Variants in ABTB2 observed in about 807,000 individuals in gnomAD.
The protein encoded by ABTB2 is ankyrin repeat and BTB domain containing 2.
In ABTB2, 56 loss-of-function variants were observed where a neutral mutation model predicts 104.1. That is an observed-to-expected ratio of 0.54 (90% CI 0.43 to 0.67). The LOEUF is 0.67. Among genes scored for constraint, ABTB2 ranks in the 30% least tolerant of loss-of-function variants. ABTB2 has a pLI of 0.00. For missense variants in ABTB2, 1,279 were observed against 1,407.7 expected, an observed-to-expected ratio of 0.91 and a Z score of 1.46; for synonymous variants, 606 against 608.2, an observed-to-expected ratio of 1.00 and a Z score of 0.05.
chr11:34,289,188 T>C (rs1286760972), intron 1 of ABTB2, among the ~76,000 whole-genome samples: 3 of 152,250 alleles, frequency 2.0e-5, no homozygotes, highest in African/African-American at 7.2e-5. Flanking sequence ...ATCTGAGTTC[T>C]GTAACAACTT....
At chr11:34,218,079 A>G (rs193152002) in intron 1 of ABTB2, among the ~76,000 whole-genome samples, 2 of 152,364 alleles carry the variant, frequency 1.3e-5, no homozygotes, top group African/African-American at 4.8e-5. Context: ...TGCCATCTGC[A>G]TATCATCTTT....
At chr11:34,234,740 G>A (rs1371121709) in intron 1 of ABTB2, among the ~76,000 whole-genome samples, 2 of 152,210 alleles carry the variant, frequency 1.3e-5, no homozygotes, top group Admixed American at 1.3e-4. Context: ...AGCTTACAGG[G>A]TAATGCTACC....
chr11:34,318,620 A>C (rs1339569121), intron 1 of ABTB2, among the ~76,000 whole-genome samples: 1 of 152,204 alleles, frequency 6.6e-6, no homozygotes, highest in Non-Finnish European at 1.5e-5. Context: ...ACGTCATAAT[A>C]AAAATTCCAA....
At chr11:34,217,315 CTGA>C (rs1204039858) in intron 1 of ABTB2, among the ~76,000 whole-genome samples, 1 of 152,232 alleles carries the variant, frequency 6.6e-6, no homozygotes, top group African/African-American at 2.4e-5. Flanking sequence ...CTTTTTAGCT[CTGA>C]TAATATTCCA....
chr11:34,272,567 T>C (rs2755162), intron 1 of ABTB2, among the ~76,000 whole-genome samples: 128,948 of 151,616 alleles, frequency 0.85, 55,403 homozygotes, highest in African/African-American at 0.96. Context: ...ACTAGCCAGA[T>C]GTGGTGGCGG....
At chr11:34,312,665 T>C (rs1187947686) in intron 1 of ABTB2, among the ~76,000 whole-genome samples, 1 of 152,174 alleles carries the variant, frequency 6.6e-6, no homozygotes, top group Non-Finnish European at 1.5e-5. Context: ...TAAGAGAAAA[T>C]AAGCCCACTC....
intron 1 of ABTB2, among the ~76,000 whole-genome samples, chr11:34,284,599 G>A (rs1590241433): frequency 6.6e-6 from 1 of 152,172 alleles, no homozygotes; most frequent in Non-Finnish European, 1.5e-5. Context: ...GGAAGACAGA[G>A]GTGAGGAGGT....
intron 5 of ABTB2, 106 bp downstream of exon 5, chr11:34,170,791 CGAAGTACAG>C: frequency 7.5e-7 from 1 of 1,325,774 alleles, no homozygotes; most frequent in Non-Finnish European, 1.0e-6. Context: ...CCCGCCTTTT[CGAAGTACAG>C]AGCTGAGCAA....
chr11:34,332,983 T>G (rs913625163), intron 1 of ABTB2, among the ~76,000 whole-genome samples: 5 of 152,142 alleles, frequency 3.3e-5, no homozygotes, highest in Non-Finnish European at 7.3e-5. Flanking sequence ...GACTTTGAGG[T>G]CAACAATGGC....
At position 34,357,831 on chromosome 11, in the gene ABTB2, C is replaced by A. The variant is rs550430624; in HGVS notation, c.-248G>T. 5.4e-4 allele frequency: 260 copies of A among 478,658 alleles called. No homozygotes were observed. Among genetic ancestry groups the A allele is most frequent in the African/African-American group, 4.5e-3 (224 of 49,886 alleles). The allele number at this position is 478,658 out of a possible 1,614,324, so 29.7% of individuals were successfully genotyped here. Reference sequence around the variant, plus strand: ...GCCACTGGAAAGAACCCCGTCGCTACCCCCCGGCACTCCCCCTTGTCCACC... The same window carrying A: ...GCCACTGGAAAGAACCCCGTCGCTAACCCCCGGCACTCCCCCTTGTCCACC... On this transcript the variant is annotated 5_prime_UTR_variant, in exon 1 of 17. Coordinates refer to ENST00000435224, the MANE Select transcript of ABTB2 (RefSeq NM_145804.3).
intron 1 of ABTB2, among the ~76,000 whole-genome samples, chr11:34,271,606 C>T (rs1418772965): frequency 6.6e-6 from 1 of 152,152 alleles, no homozygotes; most frequent in East Asian, 1.9e-4. Flanking sequence ...TGGTGGCACA[C>T]ACCTGTGGTC....
At chr11:34,190,404 C>G (rs1216059970) in intron 3 of ABTB2, among the ~76,000 whole-genome samples, 2 of 152,192 alleles carry the variant, frequency 1.3e-5, no homozygotes, top group Non-Finnish European at 2.9e-5. Context: ...CATGCACCAT[C>G]ATGCACCTGA....
chr11:34,201,305 A>G (rs1024442699), intron 2 of ABTB2, among the ~76,000 whole-genome samples: 5 of 152,186 alleles, frequency 3.3e-5, no homozygotes, highest in African/African-American at 9.7e-5. Flanking sequence ...TAGAGGTGCT[A>G]GGTTTCACTC....
intron 1 of ABTB2, among the ~76,000 whole-genome samples, chr11:34,346,299 CTATAAA>C (rs1427624659): frequency 6.6e-6 from 1 of 152,038 alleles, no homozygotes; most frequent in Non-Finnish European, 1.5e-5. Flanking sequence ...TGCTCCCCTG[CTATAAA>C]TATCCAAGTC....
chr11:34,262,595 T>C (rs1854200492), intron 1 of ABTB2, among the ~76,000 whole-genome samples: 1 of 152,156 alleles, frequency 6.6e-6, no homozygotes, highest in African/African-American at 2.4e-5. Context: ...CCCACAATCT[T>C]TCCCCAGTGG....
chr11:34,182,928 A>G (rs1464514913), intron 3 of ABTB2, among the ~76,000 whole-genome samples: 1 of 152,088 alleles, frequency 6.6e-6, no homozygotes, highest in African/African-American at 2.4e-5. Context: ...TATGTCATGC[A>G]CCTGCCAAGG....
chr11:34,232,133 T>C (rs114602771), intron 1 of ABTB2, among the ~76,000 whole-genome samples: 177 of 152,328 alleles, frequency 1.2e-3, no homozygotes, highest in African/African-American at 3.6e-3. Context: ...TGTAATACTC[T>C]TGCGACTTTC....
At chr11:34,243,274 A>AATAT (rs139540650) in intron 1 of ABTB2, among the ~76,000 whole-genome samples, 1 of 151,564 alleles carries the variant, frequency 6.6e-6, no homozygotes, top group African/African-American at 2.4e-5. Flanking sequence ...ACCTCTGGCA[A>AATAT]ATATATATAT....
intron 1 of ABTB2, among the ~76,000 whole-genome samples, chr11:34,255,025 C>A (rs908957697): frequency 6.6e-6 from 1 of 152,012 alleles, no homozygotes. Flanking sequence ...GGTACTATAC[C>A]GGACAACAAA....
Sources: gnomAD v4.1 joint callset for allele counts (sites outside exome capture counted in the v4.1 genomes callset) on GRCh38, gnomAD v4.1.1 for gene constraint, MANE v1.5 for transcripts, NCBI Gene and HGNC (gene_info 2026-07-23, HGNC 2026-07-21) for gene names.